Variants in DTWD2 observed in about 807,000 individuals in gnomAD.
The protein encoded by DTWD2 is tRNA-uridine aminocarboxypropyltransferase 2.
DTWD2 carries 39 observed loss-of-function variants against 31.8 expected under a neutral mutation model. That is an observed-to-expected ratio of 1.22 (90% CI 0.95 to 1.60). DTWD2 has a LOEUF of 1.60. Ranked by LOEUF, DTWD2 falls within the 40% of genes most tolerant of loss-of-function variation. The pLI, the probability that DTWD2 is intolerant of heterozygous loss-of-function variation, is 0.00. For synonymous variants in DTWD2, 180 were observed against 142.8 expected, an observed-to-expected ratio of 1.26 and a Z score of -1.86; for missense variants, 515 against 381.5, an observed-to-expected ratio of 1.35 and a Z score of -2.92.
intron 4 of DTWD2, among the ~76,000 whole-genome samples, chr5:118,868,103 A>C (rs1008320959): frequency 3.3e-5 from 5 of 152,170 alleles, no homozygotes; most frequent in Non-Finnish European, 7.3e-5. Context: ...GCCCAAAAAT[A>C]AATTCTGGCA....
At chr5:118,975,824 C>G (rs1755142597) in intron 1 of DTWD2, among the ~76,000 whole-genome samples, 1 of 152,210 alleles carries the variant, frequency 6.6e-6, no homozygotes, top group African/African-American at 2.4e-5. Flanking sequence ...GACTTGAACT[C>G]AGCTCTGGAC....
At chr5:118,960,615 G>A (rs1371198864) in intron 1 of DTWD2, among the ~76,000 whole-genome samples, 1 of 152,066 alleles carries the variant, frequency 6.6e-6, no homozygotes, top group Non-Finnish European at 1.5e-5. Flanking sequence ...CTACCATAAA[G>A]ACCCATGCAC....
intron 5 of DTWD2, among the ~76,000 whole-genome samples, chr5:118,846,321 T>C (rs777375130): frequency 1.1e-4 from 16 of 152,268 alleles, no homozygotes; most frequent in Non-Finnish European, 2.4e-4. Context: ...AACCCTATTA[T>C]TCTACAACCA....
chr5:118,977,587 A>T (rs1225295200), intron 1 of DTWD2, among the ~76,000 whole-genome samples: 2 of 152,200 alleles, frequency 1.3e-5, no homozygotes, highest in Admixed American at 6.5e-5. Flanking sequence ...CCCATTCGCA[A>T]TTGCTACAAA....
Position 118,988,484 on chromosome 5 carries a change from G to A in DTWD2, c.28C>T (p.Leu10Phe), listed in dbSNP as rs759144326. The A allele has an allele frequency of 4.4e-6, 7 of 1,598,186 alleles. No homozygotes were observed. In the South Asian group the frequency reaches 4.5e-5, roughly 10 times the overall value. Residue 10 changes from leucine (L) to phenylalanine (F), a missense_variant, in exon 1 of 6, where the codon CTC (leucine) becomes TTC (phenylalanine). Transcript: ENST00000510708. MESQKEART[L>F]QEPVARPSGA... ...GAAGGCCGCGCAACGGGCTCCTGGA[G>A]TGTTCGTGCCTCTTTCTGCGACTCC...
intron 3 of DTWD2, among the ~76,000 whole-genome samples, chr5:118,930,328 A>C (rs1277235947): frequency 1.3e-5 from 2 of 152,194 alleles, no homozygotes; most frequent in Non-Finnish European, 2.9e-5. Context: ...ACAAGCAAAA[A>C]ACAAAACAAA....
At chr5:118,957,414 G>A (rs2149591422) in intron 1 of DTWD2, among the ~76,000 whole-genome samples, 1 of 152,116 alleles carries the variant, frequency 6.6e-6, no homozygotes. Flanking sequence ...TAGAGATGGG[G>A]TTTCACCATG....
chr5:118,884,675 C>A (rs1220389517), intron 4 of DTWD2, among the ~76,000 whole-genome samples: 2 of 152,122 alleles, frequency 1.3e-5, no homozygotes, highest in African/African-American at 4.8e-5. Context: ...CACTTTGTAT[C>A]CTATTTCTCC....
chr5:118,883,008 T>C (rs1365115340), intron 4 of DTWD2, among the ~76,000 whole-genome samples: 3 of 152,272 alleles, frequency 2.0e-5, no homozygotes, highest in Non-Finnish European at 4.4e-5. Flanking sequence ...CAAACCTTTA[T>C]GTTCTGCTTC....
At chr5:118,866,310 T>C (rs779110489) in intron 4 of DTWD2, among the ~76,000 whole-genome samples, 2 of 152,200 alleles carry the variant, frequency 1.3e-5, no homozygotes, top group African/African-American at 4.8e-5. Flanking sequence ...AAAAAAATCA[T>C]CAAAAGCATC....
intron 4 of DTWD2, among the ~76,000 whole-genome samples, chr5:118,870,537 G>C (rs966421838): frequency 6.6e-6 from 1 of 152,142 alleles, no homozygotes; most frequent in Non-Finnish European, 1.5e-5. Context: ...CAGTCTATTA[G>C]GTATGCAATA....
chr5:118,942,998 C>T (rs1187398809), intron 2 of DTWD2, among the ~76,000 whole-genome samples: 1 of 152,074 alleles, frequency 6.6e-6, no homozygotes, highest in African/African-American at 2.4e-5. Context: ...GAGATGGGGT[C>T]TCGCTATGTT....
At chr5:118,968,460 C>T (rs1315009145) in intron 1 of DTWD2, among the ~76,000 whole-genome samples, 1 of 152,178 alleles carries the variant, frequency 6.6e-6, no homozygotes, top group Non-Finnish European at 1.5e-5. Flanking sequence ...CACACTGGGA[C>T]TCACTAGGTG....
intron 1 of DTWD2, chr5:118,988,072 C>A: frequency 1.4e-6 from 1 of 718,324 alleles, no homozygotes; most frequent in South Asian, 1.5e-5. Flanking sequence ...ATGATACGCT[C>A]AGCATATTGC....
In DTWD2 at chr5:118,840,924, T is replaced by A. The variant is rs764917007; in HGVS notation, c.890A>T (p.Lys297Ile). Residue 297 changes from lysine to isoleucine, a missense_variant, in exon 6 of 6, where the codon AAA becomes ATA. By Grantham distance (102) the Lys-to-Ile change is moderately radical. Coordinates refer to ENST00000510708, the MANE Select transcript of DTWD2 (RefSeq NM_173666.4). Reference protein sequence around the residue: ...RKMELLMNSVKI With the variant: ...RKMELLMNSVII ...ACCAAAAGAATAACTGTACTAAATT[T>A]TAACACTATTCATTAACAATTCCAT... is the stretch of plus-strand genomic sequence containing the variant. 4 of 1,613,328 alleles carry A rather than the reference T, an allele frequency of 2.5e-6. No homozygotes were observed. In the Admixed American group the frequency reaches 6.7e-5, roughly 27 times the overall value.
Position 118,919,990 on chromosome 5 carries a change from TAC to T in DTWD2, c.597+8545_597+8546del, listed in dbSNP as rs1213339552. On this transcript the variant is annotated intron_variant, in intron 4 of 5. Coordinates refer to ENST00000510708, the MANE Select transcript of DTWD2 (RefSeq NM_173666.4). Reference sequence around the variant, plus strand: ...CTCCTTTCTTTGTTTCATTGTATATTACAGTGTAATAAAAATAAAAAAAAAAA... The same window carrying T: ...CTCCTTTCTTTGTTTCATTGTATATTAGTGTAATAAAAATAAAAAAAAAAA... Among the ~76,000 whole-genome samples, 3 of 151,744 alleles carry T rather than the reference TAC, an allele frequency of 2.0e-5. No homozygotes were observed. In the East Asian group the frequency reaches 5.8e-4, roughly 29 times the overall value.
intron 1 of DTWD2, 59 bp from the exon 2 acceptor site, chr5:118,944,708 T>C: frequency 2.0e-6 from 3 of 1,528,640 alleles, no homozygotes; most frequent in Admixed American, 3.6e-5. Flanking sequence ...GATATAACAA[T>C]TTTTTAAATG....
At chr5:118,925,162 A>T (rs144397754) in intron 4 of DTWD2, among the ~76,000 whole-genome samples, 253 of 152,326 alleles carry the variant, frequency 1.7e-3, no homozygotes, top group African/African-American at 5.7e-3. Flanking sequence ...CCAACAACAG[A>T]GCAGATAACA....
chr5:118,863,177 T>G (rs1228299054), intron 4 of DTWD2, among the ~76,000 whole-genome samples: 1 of 152,182 alleles, frequency 6.6e-6, no homozygotes, highest in African/African-American at 2.4e-5. Flanking sequence ...AGCTTTTACT[T>G]TAGGTTATTT....
Sources: gnomAD v4.1 joint callset for allele counts (sites outside exome capture counted in the v4.1 genomes callset) on GRCh38, gnomAD v4.1.1 for gene constraint, MANE v1.5 for transcripts, NCBI Gene and HGNC (gene_info 2026-07-23, HGNC 2026-07-21) for gene names.